Variants in FOXP2 observed in about 807,000 individuals in gnomAD.
The protein encoded by FOXP2 is forkhead box P2, also known as forkhead box protein P2.
FOXP2 carries 12 observed loss-of-function variants against 115.8 expected under a neutral mutation model. The ratio of observed to expected loss-of-function variants is 0.10; its 90% confidence interval spans 0.07 to 0.17. FOXP2 has a LOEUF of 0.17. Among genes scored for constraint, FOXP2 ranks in the 10% least tolerant of loss-of-function variants. The pLI is 1.00. For missense variants in FOXP2, 629 were observed against 843.5 expected (o/e 0.75, Z 3.15); for synonymous variants, 328 against 297.7 (o/e 1.10, Z -1.05).
chr7:114,359,403 C>T (rs923211212), intron 2 of FOXP2, among the ~76,000 whole-genome samples: 1 of 152,154 alleles, frequency 6.6e-6, no homozygotes, highest in African/African-American at 2.4e-5. Context: ...GGTGGGAGCC[C>T]CCACAAATGG....
chr7:114,258,358 G>T (rs1456528241), intron 1 of FOXP2, among the ~76,000 whole-genome samples: 1 of 152,178 alleles, frequency 6.6e-6, no homozygotes, highest in African/African-American at 2.4e-5. Flanking sequence ...CTATGCAAAG[G>T]AAGAGATGGT....
intron 2 of FOXP2, among the ~76,000 whole-genome samples, chr7:114,468,080 C>T (rs1025777357): frequency 1.3e-5 from 2 of 152,090 alleles, no homozygotes; most frequent in African/African-American, 2.4e-5. Context: ...TGATCTCTAC[C>T]CAAAGCTTCA....
At chr7:114,643,781 A>G (rs1274219166) in intron 7 of FOXP2, among the ~76,000 whole-genome samples, 1 of 152,200 alleles carries the variant, frequency 6.6e-6, no homozygotes, top group East Asian at 1.9e-4. Flanking sequence ...AATTCTTAAC[A>G]TAATGGCTTA....
Position 114,349,320 on chromosome 7 carries a change from A to G in FOXP2, c.-11+61211A>G, listed in dbSNP as rs1362859187. On this transcript the variant is annotated intron_variant, in intron 2 of 17. Coordinates refer to the FOXP2 transcript ENST00000634411. ...TTAAGTCGTAAAACTCAAAGGATAAACCATTACCGATACTATGAGATAGGA... is the reference window on the plus strand; with the variant it reads ...TTAAGTCGTAAAACTCAAAGGATAAGCCATTACCGATACTATGAGATAGGA... Among the ~76,000 whole-genome samples, 7 of 152,032 alleles carry G rather than the reference A, an allele frequency of 4.6e-5. No individual in the cohort carries two copies. The East Asian group carries it at 1.4e-3, about 29-fold the overall frequency.
At chr7:114,245,191 G>A (rs1795250887) in intron 1 of FOXP2, among the ~76,000 whole-genome samples, 1 of 151,016 alleles carries the variant, frequency 6.6e-6, no homozygotes, top group African/African-American at 2.4e-5. Context: ...CCTTTATTTC[G>A]ATCTACCTAA....
At position 114,606,028 on chromosome 7, in the gene FOXP2, T is replaced by C. The variant is rs1246935514; in HGVS notation, c.259-22512T>C. On this transcript the variant is annotated intron_variant, in intron 3 of 16. Transcript: ENST00000350908. Reference sequence around the variant, plus strand: ...AAATGGCCAGGTATGGAATTAGAACTTGAGGGAGTATAAATGACCAAGAAG... The same window carrying C: ...AAATGGCCAGGTATGGAATTAGAACCTGAGGGAGTATAAATGACCAAGAAG... 2.0e-5 allele frequency among the ~76,000 whole-genome samples: 3 copies of C among 152,024 alleles called. No individual in the cohort carries two copies. In the East Asian group the frequency reaches 5.8e-4, roughly 29 times the overall value.
At chr7:114,125,334 A>G (rs914103684) in intron 1 of FOXP2, among the ~76,000 whole-genome samples, 1 of 152,144 alleles carries the variant, frequency 6.6e-6, no homozygotes, top group Non-Finnish European at 1.5e-5. Flanking sequence ...AAAAGGACGT[A>G]GTTTTTCCTA....
intron 1 of FOXP2, among the ~76,000 whole-genome samples, chr7:114,185,267 G>A (rs765784511): frequency 1.3e-5 from 2 of 152,018 alleles, no homozygotes; most frequent in Non-Finnish European, 2.9e-5. Context: ...ATTATACTTT[G>A]GGTTTCAATT....
At chr7:114,468,553 G>T (rs181566910) in intron 2 of FOXP2, among the ~76,000 whole-genome samples, 4 of 151,994 alleles carry the variant, frequency 2.6e-5, no homozygotes, top group East Asian at 3.9e-4. Context: ...AGTTCCCTAC[G>T]CTACATACGG....
intron 3 of FOXP2, among the ~76,000 whole-genome samples, chr7:114,557,488 A>G (rs1219226738): frequency 6.8e-6 from 1 of 146,886 alleles, no homozygotes; most frequent in Non-Finnish European, 1.5e-5. Flanking sequence ...TGTTAAATAT[A>G]ATAAGAAGTA....
intron 1 of FOXP2, among the ~76,000 whole-genome samples, chr7:114,142,784 A>G (rs1287928313): frequency 6.6e-6 from 1 of 152,102 alleles, no homozygotes; most frequent in Non-Finnish European, 1.5e-5. Context: ...TAATGCTATT[A>G]AGGAAAAAGA....
intron 1 of FOXP2, among the ~76,000 whole-genome samples, chr7:114,287,248 C>G (rs990735246): frequency 6.0e-5 from 9 of 151,030 alleles, no homozygotes; most frequent in African/African-American, 1.9e-4. Context: ...AGCTGATGAA[C>G]TAAAAAAGAA....
At chr7:114,447,943 C>T (rs1048871137) in intron 2 of FOXP2, among the ~76,000 whole-genome samples, 5 of 152,022 alleles carry the variant, frequency 3.3e-5, no homozygotes, top group Admixed American at 1.3e-4. Flanking sequence ...AGAGTGATTT[C>T]TAGCAGATGA....
intron 2 of FOXP2, among the ~76,000 whole-genome samples, chr7:114,533,538 T>A (rs981185873): frequency 3.3e-5 from 5 of 151,954 alleles, no homozygotes; most frequent in Non-Finnish European, 7.4e-5. Flanking sequence ...GTACTTTTTA[T>A]CAGCTGAAAT....
At chr7:114,155,984 G>T (rs1336650681) in intron 1 of FOXP2, among the ~76,000 whole-genome samples, 1 of 152,066 alleles carries the variant, frequency 6.6e-6, no homozygotes, top group Non-Finnish European at 1.5e-5. Context: ...CTTGGGAGGG[G>T]AGCATGTGCA....
At chr7:114,155,156 ACC>A (rs1792629758) in intron 1 of FOXP2, among the ~76,000 whole-genome samples, 1 of 152,108 alleles carries the variant, frequency 6.6e-6, no homozygotes, top group South Asian at 2.1e-4. Flanking sequence ...GGTATTGTAA[ACC>A]AAAAATAAAA....
chr7:114,604,118 C>T (rs1251764824), intron 3 of FOXP2, among the ~76,000 whole-genome samples: 4 of 152,136 alleles, frequency 2.6e-5, no homozygotes, highest in African/African-American at 9.7e-5. Flanking sequence ...GTTCTGGAGG[C>T]TGAGGTCCAG....
intron 2 of FOXP2, among the ~76,000 whole-genome samples, chr7:114,379,375 T>G (rs1792223261): frequency 6.6e-6 from 1 of 152,156 alleles, no homozygotes; most frequent in Non-Finnish European, 1.5e-5. Flanking sequence ...GCTTAGGGAT[T>G]CTTAGTCAGC....
At chr7:114,658,034 C>G (rs1311410930) in intron 10 of FOXP2, 32 bp from the exon 11 acceptor site, 2 of 1,612,034 alleles carry the variant, frequency 1.2e-6, no homozygotes, top group African/African-American at 1.3e-5. Context: ...TTGTCTCTAC[C>G]TTTTTCCTGC....
Sources: allele counts gnomAD v4.1 joint callset (sites outside exome capture counted in the v4.1 genomes callset), GRCh38; gene constraint gnomAD v4.1.1; transcripts MANE v1.5; gene names NCBI Gene and HGNC (gene_info 2026-07-23, HGNC 2026-07-21).